The following CDS2 variants were observed in gnomAD, a reference collection of about 807,000 sequenced individuals.
The protein encoded by CDS2 is phosphatidate cytidylyltransferase 2.
In CDS2, 47 loss-of-function variants were observed where a neutral mutation model predicts 59.0. That is an observed-to-expected ratio of 0.80 (90% CI 0.63 to 1.02). The LOEUF (loss-of-function observed/expected upper bound fraction) is 1.02, where lower values mean the gene tolerates loss of function less well. Among genes scored for constraint, CDS2 ranks in the 50% least tolerant of loss-of-function variants. CDS2 has a pLI of 0.00. For synonymous variants in CDS2, 207 were observed against 206.4 expected, an observed-to-expected ratio of 1.00 and a Z score of -0.02; for missense variants, 356 against 558.9, an observed-to-expected ratio of 0.64 and a Z score of 3.66.
At position 5,186,704 on chromosome 20, in the gene CDS2, C is replaced by A. The variant is rs111727857; in HGVS notation, c.846C>A (p.Ser282=). 2 of 1,614,028 alleles carry A rather than the reference C, an allele frequency of 1.2e-6. No homozygotes were observed. The highest frequency in any genetic ancestry group is 1.7e-6 in the Non-Finnish European group (2 of 1,179,992). ...CTCCTCAGCTGTCCTATGTGATGTC[C>A]GGGTACAGATGCTTTGTCTGCCCTG... is the stretch of plus-strand genomic sequence containing the variant. ...VFGLLLSYVM[S]GYRCFVCPVE... Residue 282 remains serine, a synonymous_variant, in exon 10 of 13, where the codon TCC becomes TCA. Transcript: ENST00000460006.
chr20:5,144,195 TC>T (rs926417245), intron 1 of CDS2, among the ~76,000 whole-genome samples: 2 of 152,252 alleles, frequency 1.3e-5, no homozygotes, highest in Admixed American at 1.3e-4. Context: ...GGTTTTAATT[TC>T]TTCTGTAGAT....
intron 1 of CDS2, among the ~76,000 whole-genome samples, chr20:5,165,540 C>T (rs1366601858): frequency 7.6e-6 from 1 of 131,156 alleles, no homozygotes; most frequent in Non-Finnish European, 1.7e-5. Flanking sequence ...TGTGGGAAGC[C>T]GTCTTTTTTT....
chr20:5,127,824 G>C (rs1343289298), intron 1 of CDS2, among the ~76,000 whole-genome samples: 1 of 152,102 alleles, frequency 6.6e-6, no homozygotes, highest in Non-Finnish European at 1.5e-5. Flanking sequence ...GTGGGGGAGT[G>C]GACTCCTTTG....
intron 1 of CDS2, 115 bp downstream of exon 1, chr20:5,127,264 G>C (rs1260254711): frequency 1.0e-6 from 1 of 972,810 alleles, no homozygotes; most frequent in Non-Finnish European, 1.4e-6. Context: ...AGCCGACGGC[G>C]GCCCCGGGCC....
chr20:5,187,125 A>T, intron 10 of CDS2: 1 of 362,580 alleles, frequency 2.8e-6, no homozygotes, highest in South Asian at 3.7e-5. Context: ...CTGTGAGGTC[A>T]CAACTGTTTC....
chr20:5,176,071 G>C (rs562895891), intron 3 of CDS2: 4 of 153,970 alleles, frequency 2.6e-5, no homozygotes, highest in African/African-American at 9.6e-5. Context: ...AGAATGGATT[G>C]GTTGAATCCT....
intron 1 of CDS2, among the ~76,000 whole-genome samples, chr20:5,171,903 T>A (rs542970967): frequency 6.6e-6 from 1 of 152,322 alleles, no homozygotes; most frequent in East Asian, 1.9e-4. Context: ...TGAGGCCGTC[T>A]TTATTGGGCC....
chr20:5,165,524 A>G (rs1361307348), intron 1 of CDS2, among the ~76,000 whole-genome samples: 4 of 150,778 alleles, frequency 2.7e-5, no homozygotes, highest in Non-Finnish European at 5.9e-5. Flanking sequence ...GGCGGAGACT[A>G]TGCGGTGTGG....
At position 5,173,646 on chromosome 20, in the gene CDS2, A is replaced by G; in HGVS notation, c.181A>G (p.Asn61Asp). 6.2e-7 allele frequency: 1 copy of G among 1,614,052 alleles called. No homozygotes were observed. The highest frequency in any genetic ancestry group is 8.5e-7 in the Non-Finnish European group (1 of 1,179,958). Residue 61 changes from asparagine to aspartate, a missense_variant, in exon 2 of 13, where the codon AAC becomes GAC. Around this residue, in one of 5 missense-constraint regions of CDS2, gnomAD observed 107 missense variants for 129.7 expected, o/e 0.82. Transcript: ENST00000460006. ...TPEVLNRALS[N>D]LSSRWKNWWV... The stretch of plus-strand genomic sequence containing the variant: ...GGAGGTCCTCAATAGGGCCCTTTCC[A>G]ACTTGTCTTCAAGGTAACCTGGCTT...
At chr20:5,188,554 A>C (rs1048891761) in intron 10 of CDS2, among the ~76,000 whole-genome samples, 1 of 152,252 alleles carries the variant, frequency 6.6e-6, no homozygotes, top group African/African-American at 2.4e-5. Flanking sequence ...TTATTGATTT[A>C]AAACCTACAT....
intron 1 of CDS2, among the ~76,000 whole-genome samples, chr20:5,141,321 C>A (rs1173832146): frequency 1.3e-5 from 2 of 152,212 alleles, no homozygotes. Flanking sequence ...TGTTTAGTCA[C>A]ATTTCTGCAT....
chr20:5,138,892 A>T (rs2090670256), intron 1 of CDS2, among the ~76,000 whole-genome samples: 1 of 152,160 alleles, frequency 6.6e-6, no homozygotes, highest in Non-Finnish European at 1.5e-5. Context: ...ATTCACAGAT[A>T]TTTTTTAAAT....
intron 1 of CDS2, among the ~76,000 whole-genome samples, chr20:5,170,776 G>T (rs1049100385): frequency 4.6e-5 from 7 of 152,176 alleles, no homozygotes; most frequent in Non-Finnish European, 7.3e-5. Flanking sequence ...TTTGTTCAGT[G>T]GTTTTTTGAA....
intron 1 of CDS2, among the ~76,000 whole-genome samples, chr20:5,133,926 T>C (rs1033100944): frequency 1.3e-4 from 20 of 152,230 alleles, no homozygotes; most frequent in African/African-American, 4.8e-4. Context: ...TTGATAGATA[T>C]GATACCCAAA....
At chr20:5,144,196 C>T (rs1051265595) in intron 1 of CDS2, among the ~76,000 whole-genome samples, 19 of 152,318 alleles carry the variant, frequency 1.2e-4, no homozygotes, top group African/African-American at 4.6e-4. Context: ...GTTTTAATTT[C>T]TTCTGTAGAT....
In CDS2 at chr20:5,143,765, TTC is replaced by T. The variant is rs1351774308; in HGVS notation, c.57+16618_57+16619del. Among the ~76,000 whole-genome samples the T allele has an allele frequency of 2.1e-3, 294 of 138,088 alleles. 1 individual carries two copies. Among genetic ancestry groups the T allele is most frequent in the African/African-American group, 8.7e-3 (285 of 32,628 alleles). 90.6% of individuals were successfully genotyped at this position (138,088 alleles called of 152,430 possible). On this transcript the variant is annotated intron_variant, in intron 1 of 12. Coordinates refer to ENST00000460006, the MANE Select transcript of CDS2 (RefSeq NM_003818.4). Reference sequence around the variant, plus strand: ...TCAGTTCTTTTTCTTTTTCTTCTTCTTCTTTTTTTTTTTTTTTGAGACAGAGT... The same window carrying T: ...TCAGTTCTTTTTCTTTTTCTTCTTCTTTTTTTTTTTTTTTTGAGACAGAGT...
chr20:5,164,103 A>G (rs1251521313), intron 1 of CDS2, among the ~76,000 whole-genome samples: 4 of 152,036 alleles, frequency 2.6e-5, no homozygotes, highest in Admixed American at 6.5e-5. Flanking sequence ...AATTTCTTCT[A>G]TAACTAATAT....
chr20:5,147,286 G>T (rs1434552959), intron 1 of CDS2, among the ~76,000 whole-genome samples: 1 of 152,202 alleles, frequency 6.6e-6, no homozygotes, highest in Non-Finnish European at 1.5e-5. Context: ...ATGGAGAGTA[G>T]ATGAGACCAG....
intron 1 of CDS2, among the ~76,000 whole-genome samples, chr20:5,149,873 G>C (rs971873059): frequency 2.6e-5 from 4 of 151,894 alleles, no homozygotes; most frequent in African/African-American, 9.7e-5. Flanking sequence ...CTGCCACCAC[G>C]CCTGGCTAAT....
Sources: allele counts gnomAD v4.1 joint callset (sites outside exome capture counted in the v4.1 genomes callset), GRCh38; gene constraint gnomAD v4.1.1; regional missense constraint gnomAD v4.1.1; transcripts MANE v1.5; gene names NCBI Gene and HGNC (gene_info 2026-07-23, HGNC 2026-07-21).